Variants in NFX1 observed in about 807,000 individuals in gnomAD.
NFX1 encodes the protein transcriptional repressor NF-X1.
A neutral mutation model predicts 137.2 loss-of-function variants in NFX1; 69 were observed. The ratio of observed to expected loss-of-function variants is 0.50; its 90% confidence interval spans 0.41 to 0.61. The LOEUF is 0.61. Among genes scored for constraint, NFX1 ranks in the 20% least tolerant of loss-of-function variants. The pLI, the probability that NFX1 is intolerant of heterozygous loss-of-function variation, is 0.00. For synonymous variants in NFX1, 495 were observed against 474.1 expected, an observed-to-expected ratio of 1.04 and a Z score of -0.57; for missense variants, 1,167 against 1,391.0, an observed-to-expected ratio of 0.84 and a Z score of 2.56.
chr9:33,295,132 TC>T lies in NFX1; in HGVS notation c.741del (p.Trp248GlyfsTer77). ...AGAGAAGATACCCACAGAAAAGGCC[TC>T]CCTGGGAAGTGGAGGGGGCCAGGCC... ...EQRRYPQKRP[P>X]WEVEGARPRP... On this transcript the variant is annotated frameshift_variant, in exon 2 of 24. Coordinates refer to ENST00000379540, the MANE Select transcript of NFX1 (RefSeq NM_002504.6). LOFTEE classifies it high-confidence loss of function. The T allele has an allele frequency of 6.2e-7, 1 of 1,613,878 alleles. No homozygotes were observed. The highest frequency in any genetic ancestry group is 8.5e-7 in the Non-Finnish European group (1 of 1,179,974).
intron 11 of NFX1, 117 bp downstream of exon 11, chr9:33,332,619 T>C: frequency 4.4e-6 from 3 of 684,722 alleles, no homozygotes; most frequent in Non-Finnish European, 7.4e-6. Flanking sequence ...ACTTAAGATT[T>C]GTGGTATAAC....
In NFX1 at chr9:33,295,428, G is replaced by T. The variant is rs1321069843; in HGVS notation, c.1033+1G>T. On this transcript the variant is annotated splice_donor_variant, in intron 2 of 23. Coordinates refer to ENST00000379540, the MANE Select transcript of NFX1 (RefSeq NM_002504.6). LOFTEE classifies it high-confidence loss of function. ...CTAAAGAATGTGGAAACGCACACAG[G>T]TAAACCTACCTAGATAGGAAATATT... 1 of 1,603,660 alleles carries T rather than the reference G, an allele frequency of 6.2e-7. No individual in the cohort carries two copies. The highest frequency in any genetic ancestry group is 1.3e-5 in the African/African-American group (1 of 74,630).
chr9:33,344,322 T>A lies in NFX1; in HGVS notation c.2344+134T>A. 2.4e-6 allele frequency: 3 copies of A among 1,258,680 alleles called. No homozygotes were observed. The South Asian group carries it at 4.0e-5, about 17-fold the overall frequency. The allele number at this position is 1,258,680 out of a possible 1,614,324, so 78.0% of individuals were successfully genotyped here. On this transcript the variant is annotated intron_variant, in intron 14 of 23. Transcript: ENST00000379540. ...TTGCTCCCGGCTCAGGGGCTGGTTC[T>A]CTGAAGGTGGGTCTGTGATCTGGGC...
At chr9:33,357,782 C>T (rs750456170) in intron 19 of NFX1, among the ~76,000 whole-genome samples, 8 of 151,100 alleles carry the variant, frequency 5.3e-5, no homozygotes, top group Non-Finnish European at 7.4e-5. Flanking sequence ...CTGGCTCAAG[C>T]GAACCTCCTG....
intron 7 of NFX1, among the ~76,000 whole-genome samples, chr9:33,314,373 A>C (rs1318600823): frequency 6.6e-6 from 1 of 152,018 alleles, no homozygotes; most frequent in Non-Finnish European, 1.5e-5. Flanking sequence ...AAAGACCAAA[A>C]TAATCTTTTT....
intron 19 of NFX1, among the ~76,000 whole-genome samples, chr9:33,358,156 G>A (rs1483128597): frequency 2.0e-5 from 3 of 151,650 alleles, no homozygotes; most frequent in East Asian, 1.9e-4. Flanking sequence ...ACAGAGTCTC[G>A]TTCTGTTTCC....
rs1245599019 is a variant in NFX1 at position 33,301,144 on chromosome 9, T to C, written c.1034-119T>C. On this transcript the variant is annotated intron_variant, in intron 2 of 23. Transcript: ENST00000379540. ...TGCCTTACCCAGAATCAGATATCCC[T>C]TAAAATCTCTGTGTTTGGATTCTTC... The C allele has an allele frequency of 9.5e-6, 9 of 951,958 alleles. 1 individual carries two copies. The Admixed American group carries it at 1.6e-4, about 16-fold the overall frequency. The allele number at this position is 951,958 out of a possible 1,614,324, so 59.0% of individuals were successfully genotyped here. A position where few individuals can be genotyped will look rare whatever the true frequency, so the allele number is the denominator to read the frequency against.
chr9:33,340,416 AG>A (rs35555906), intron 12 of NFX1, among the ~76,000 whole-genome samples: 11 of 152,244 alleles, frequency 7.2e-5, no homozygotes, highest in Non-Finnish European at 1.3e-4. Context: ...TGCATGCAGC[AG>A]GGGGACCCTG....
chr9:33,338,434 G>T, intron 11 of NFX1, 76 bp from the exon 12 acceptor site: 2 of 1,215,060 alleles, frequency 1.6e-6, no homozygotes, highest in Non-Finnish European at 2.4e-6. Context: ...TGAGCCTATA[G>T]TTACTCAAAT....
chr9:33,292,071 G>T (rs1821182549), intron 1 of NFX1, among the ~76,000 whole-genome samples: 1 of 152,134 alleles, frequency 6.6e-6, no homozygotes, highest in Non-Finnish European at 1.5e-5. Flanking sequence ...TCATCCACAG[G>T]CTCGTTTCTG....
At chr9:33,365,002 AG>A in intron 21 of NFX1, 1 of 1,339,560 alleles carries the variant, frequency 7.5e-7, no homozygotes, top group Non-Finnish European at 9.6e-7. Context: ...GGCTGGGCAC[AG>A]TGTCTCATGC....
rs956221768 is a variant in NFX1, at chr9:33,338,507, C to G, written c.2036-3C>G. On this transcript the variant is annotated splice_polypyrimidine_tract_variant and splice_region_variant and intron_variant, in intron 11 of 23. Transcript: ENST00000379540. ...TTTTTTTCTTTTTAATTTGCCACAGCAGATGCTACATTTATGTGTGACAAG... is the reference window on the plus strand; with the variant it reads ...TTTTTTTCTTTTTAATTTGCCACAGGAGATGCTACATTTATGTGTGACAAG... 1.2e-6 allele frequency: 2 copies of G among 1,605,256 alleles called. No homozygotes were observed. The highest frequency in any genetic ancestry group is 2.7e-5 in the African/African-American group (2 of 74,066).
intron 21 of NFX1, 135 bp downstream of exon 21, chr9:33,364,909 T>C: frequency 6.7e-7 from 1 of 1,484,812 alleles, no homozygotes; most frequent in South Asian, 1.3e-5. Context: ...AGGATCCTTA[T>C]CTTTCTCAAA....
chr9:33,296,509 C>G (rs1420832590), intron 2 of NFX1, among the ~76,000 whole-genome samples: 1 of 152,212 alleles, frequency 6.6e-6, no homozygotes, highest in Non-Finnish European at 1.5e-5. Flanking sequence ...GAGAGGATCA[C>G]TTGAACACAG....
chr9:33,298,104 G>A (rs1350990915), intron 2 of NFX1, among the ~76,000 whole-genome samples: 1 of 152,194 alleles, frequency 6.6e-6, no homozygotes, highest in African/African-American at 2.4e-5. Context: ...GGGAAGACAG[G>A]CAGAAAGCAC....
At chr9:33,308,609 A>C (rs1821846570) in intron 5 of NFX1, among the ~76,000 whole-genome samples, 1 of 152,242 alleles carries the variant, frequency 6.6e-6, no homozygotes, top group Non-Finnish European at 1.5e-5. Context: ...ATAGTTATGT[A>C]ACCTTGGACA....
intron 16 of NFX1, 33 bp downstream of exon 16, chr9:33,351,823 CTG>C (rs1197001344): frequency 4.0e-6 from 6 of 1,517,712 alleles, no homozygotes; most frequent in South Asian, 2.6e-5. Context: ...GCAGCATTGA[CTG>C]TAGTTCTGAG....
chr9:33,352,689 T>C lies in NFX1; in HGVS notation c.2699T>C (p.Ile900Thr). 1 of 1,614,224 alleles carries C rather than the reference T, an allele frequency of 6.2e-7. No individual in the cohort carries two copies. Among genetic ancestry groups the C allele is most frequent in the Non-Finnish European group, 8.5e-7 (1 of 1,180,008 alleles). Reference sequence around the variant, plus strand: ...TGTGGACGAAGAAAAGAGATGGTGATTTGCTCTGAAGCATCTAGTACTTAT... The same window carrying C: ...TGTGGACGAAGAAAAGAGATGGTGACTTGCTCTGAAGCATCTAGTACTTAT... ...CECGRRKEMV[I>T]CSEASSTYQR... is the part of the protein sequence containing the mutation. Residue 900 changes from isoleucine to threonine, a missense_variant, in exon 17 of 24, where the codon ATT (isoleucine) becomes ACT (threonine). Physicochemically the swap from Ile to Thr is moderately conservative, Grantham distance 89. Coordinates refer to ENST00000379540, the MANE Select transcript of NFX1 (RefSeq NM_002504.6).
intron 10 of NFX1, among the ~76,000 whole-genome samples, chr9:33,332,079 C>G (rs1822827535): frequency 6.6e-6 from 1 of 152,196 alleles, no homozygotes; most frequent in African/African-American, 2.4e-5. Flanking sequence ...AGATTGTCAT[C>G]TGTTTTCAAT....
Sources: allele counts gnomAD v4.1 joint callset (sites outside exome capture counted in the v4.1 genomes callset), GRCh38; gene constraint gnomAD v4.1.1; transcripts MANE v1.5; gene names NCBI Gene and HGNC (gene_info 2026-07-23, HGNC 2026-07-21).